Variants in USP32 observed in about 807,000 individuals in gnomAD.
USP32 encodes ubiquitin specific peptidase 32.
USP32 carries 59 observed loss-of-function variants against 204.8 expected under a neutral mutation model. The observed-to-expected ratio is 0.29, with a 90% confidence interval of 0.23 to 0.36. The LOEUF (loss-of-function observed/expected upper bound fraction) is 0.36, where lower values mean the gene tolerates loss of function less well. Among genes scored for constraint, USP32 ranks in the 10% least tolerant of loss-of-function variants. The pLI, the probability that USP32 is intolerant of heterozygous loss-of-function variation, is 1.00. For synonymous variants in USP32, 517 were observed against 678.4 expected (o/e 0.76, Z 3.70); for missense variants, 1,160 against 1,946.4 (o/e 0.60, Z 7.60).
In USP32 at chr17:60,196,756, T is replaced by C. The variant is rs187203023; in HGVS notation, c.3434+1504A>G. On this transcript the variant is annotated intron_variant, in intron 27 of 33. Transcript: ENST00000300896. ...AGGAGAATCGCTTGAACCCAGGAGG[T>C]GGAGGTTGCGTTGAGCCGAGATTGC... Among the ~76,000 whole-genome samples, 1,443 of 150,560 alleles carry C rather than the reference T, an allele frequency of 9.6e-3. 31 individuals carry two copies. The highest frequency in any genetic ancestry group is 0.034 in the African/African-American group (1,389 of 40,946).
At chr17:60,228,582 A>T (rs930942014) in intron 12 of USP32, among the ~76,000 whole-genome samples, 1 of 150,266 alleles carries the variant, frequency 6.7e-6, no homozygotes, top group African/African-American at 2.5e-5. Context: ...TTTGGGAGCC[A>T]AGGTGGCTGG....
At chr17:60,265,949 A>T (rs568245307) in intron 8 of USP32, 27 bp downstream of exon 8, 1 of 1,555,792 alleles carries the variant, frequency 6.4e-7, no homozygotes, top group South Asian at 1.1e-5. Context: ...GTTTATACGC[A>T]ACAAGACATA....
At chr17:60,310,052 AAAAG>A (rs1157887120) in intron 2 of USP32, among the ~76,000 whole-genome samples, 2 of 152,056 alleles carry the variant, frequency 1.3e-5, no homozygotes, top group African/African-American at 2.4e-5. Flanking sequence ...AAGGAAAAAA[AAAAG>A]AAAGAAAAAG....
At chr17:60,229,593 C>T (rs562362877) in intron 12 of USP32, among the ~76,000 whole-genome samples, 5 of 152,272 alleles carry the variant, frequency 3.3e-5, no homozygotes, top group Admixed American at 2.6e-4. Context: ...GCAAGACAGA[C>T]AGCAAAACCA....
At chr17:60,382,688 T>C (rs2089665197) in intron 1 of USP32, among the ~76,000 whole-genome samples, 2 of 152,220 alleles carry the variant, frequency 1.3e-5, no homozygotes, top group African/African-American at 4.8e-5. Context: ...AATAACTTTC[T>C]AACTCTAACT....
chr17:60,321,715 T>C (rs2088116357), intron 2 of USP32, among the ~76,000 whole-genome samples: 2 of 151,998 alleles, frequency 1.3e-5, no homozygotes, highest in Non-Finnish European at 2.9e-5. Context: ...CAATGAAAAA[T>C]ACAGTAACAA....
intron 6 of USP32, among the ~76,000 whole-genome samples, chr17:60,271,113 T>G (rs2086714336): frequency 6.6e-6 from 1 of 152,148 alleles, no homozygotes; most frequent in Non-Finnish European, 1.5e-5. Context: ...TCAAACACAT[T>G]TTATACATGA....
chr17:60,231,113 TAA>T (rs1261854988), intron 12 of USP32, among the ~76,000 whole-genome samples: 2 of 152,210 alleles, frequency 1.3e-5, no homozygotes, highest in African/African-American at 4.8e-5. Context: ...TATTTTAATA[TAA>T]GAGAATTTTA....
At chr17:60,272,494 G>A (rs1327576887) in intron 5 of USP32, among the ~76,000 whole-genome samples, 1 of 152,110 alleles carries the variant, frequency 6.6e-6, no homozygotes, top group Admixed American at 6.6e-5. Context: ...CTAAACACAG[G>A]AACCAAAGTG....
At chr17:60,413,876 G>GAAAAAAAAAAAAAAAAAAA (rs753405307) in intron 1 of USP32, among the ~76,000 whole-genome samples, 4 of 95,094 alleles carry the variant, frequency 4.2e-5, no homozygotes, top group African/African-American at 1.1e-4. Context: ...AAAAAAAAAA[G>GAAAAAAAAAAAAAAAAAAA]AAAAAAAAAA....
At chr17:60,239,235 C>T (rs549251300) in intron 11 of USP32, among the ~76,000 whole-genome samples, 57 of 152,282 alleles carry the variant, frequency 3.7e-4, no homozygotes, top group African/African-American at 1.3e-3. Context: ...ATGGGACAAA[C>T]AGCTTCTCTT....
At position 60,205,724 on chromosome 17, in the gene USP32, A is replaced by G. The variant is rs2084809310; in HGVS notation, c.3038-66T>C. On this transcript the variant is annotated intron_variant, in intron 25 of 33. Coordinates refer to ENST00000300896, the MANE Select transcript of USP32 (RefSeq NM_032582.4). Reference sequence around the variant, plus strand: ...TATTTTCATCTTTGCTCTTTTCTCAAGTATCCTGAGGACCAGAGACAGTGT... The same window carrying G: ...TATTTTCATCTTTGCTCTTTTCTCAGGTATCCTGAGGACCAGAGACAGTGT... 3 of 1,486,722 alleles carry G rather than the reference A, an allele frequency of 2.0e-6. No homozygotes were observed. In the East Asian group the frequency reaches 6.8e-5, roughly 34 times the overall value. 92.1% of individuals were successfully genotyped at this position (1,486,722 alleles called of 1,614,324 possible). A position where few individuals can be genotyped will look rare whatever the true frequency, so the allele number is the denominator to read the frequency against.
chr17:60,268,966 G>A (rs575262902), intron 7 of USP32, among the ~76,000 whole-genome samples: 2 of 152,246 alleles, frequency 1.3e-5, no homozygotes, highest in South Asian at 4.1e-4. Flanking sequence ...ATGTATTTAT[G>A]CTTACAAATT....
chr17:60,383,608 G>A (rs1598304883), intron 1 of USP32, among the ~76,000 whole-genome samples: 3 of 152,216 alleles, frequency 2.0e-5, no homozygotes, highest in African/African-American at 7.2e-5. Context: ...ATAAAGGAAG[G>A]CGTCCTTGAG....
intron 2 of USP32, among the ~76,000 whole-genome samples, chr17:60,344,907 T>C (rs1264846997): frequency 2.0e-5 from 3 of 152,198 alleles, no homozygotes; most frequent in Non-Finnish European, 4.4e-5. Flanking sequence ...TAAGCAAGCC[T>C]CCTATTTCAG....
chr17:60,415,550 A>G (rs1051525833), intron 1 of USP32, among the ~76,000 whole-genome samples: 4 of 152,162 alleles, frequency 2.6e-5, no homozygotes, highest in Non-Finnish European at 5.9e-5. Context: ...GTCTTTGCAT[A>G]CAATTCACTG....
At chr17:60,396,218 C>T (rs1218690253), upstream of USP32, among the ~76,000 whole-genome samples, 1 of 151,910 alleles carries the variant, frequency 6.6e-6, no homozygotes, top group African/African-American at 2.4e-5. Context: ...GCTGGGACTA[C>T]AGGCATGCGC....
At chr17:60,292,123 C>T (rs891059701) in intron 4 of USP32, among the ~76,000 whole-genome samples, 2 of 152,074 alleles carry the variant, frequency 1.3e-5, no homozygotes, top group Admixed American at 6.6e-5. Flanking sequence ...AGTTCTCCTT[C>T]CTTCTTGAAA....
chr17:60,261,497 T>C (rs2086452091), intron 9 of USP32, among the ~76,000 whole-genome samples: 1 of 151,690 alleles, frequency 6.6e-6, no homozygotes. Flanking sequence ...AATACAAAAA[T>C]TAGCCAGGTG....
Sources: gnomAD v4.1 joint callset for allele counts (sites outside exome capture counted in the v4.1 genomes callset) on GRCh38, gnomAD v4.1.1 for gene constraint, MANE v1.5 for transcripts, NCBI Gene and HGNC (gene_info 2026-07-23, HGNC 2026-07-21) for gene names.